MCM9: variants seen among roughly 807,000 people sequenced by gnomAD.
MCM9 encodes minichromosome maintenance 9 homologous recombination repair factor, also known as DNA helicase MCM9.
In MCM9, 55 loss-of-function variants were observed where a neutral mutation model predicts 72.8. That is an observed-to-expected ratio of 0.76 (90% CI 0.61 to 0.95). MCM9 has a LOEUF of 0.95. Among genes scored for constraint, MCM9 ranks in the 40% least tolerant of loss-of-function variants. The pLI is 0.00. For synonymous variants in MCM9, 480 were observed against 503.4 expected, an observed-to-expected ratio of 0.95 and a Z score of 0.62; for missense variants, 1,279 against 1,377.0, an observed-to-expected ratio of 0.93 and a Z score of 1.13.
At chr6:118,929,995 C>T (rs1433800695) in intron 3 of MCM9, among the ~76,000 whole-genome samples, 1 of 152,100 alleles carries the variant, frequency 6.6e-6, no homozygotes, top group African/African-American at 2.4e-5. Flanking sequence ...CCAAGAAGTT[C>T]TACTATAGTG....
chr6:118,857,425 G>C (rs1286253613), intron 8 of MCM9, among the ~76,000 whole-genome samples: 1 of 152,036 alleles, frequency 6.6e-6, no homozygotes, highest in African/African-American at 2.4e-5. Flanking sequence ...CATTCTAGCT[G>C]TTGAATTATA....
intron 8 of MCM9, among the ~76,000 whole-genome samples, chr6:118,904,518 CCA>C (rs1440568896): frequency 6.6e-6 from 1 of 152,208 alleles, no homozygotes; most frequent in Non-Finnish European, 1.5e-5. Flanking sequence ...CCTGTGTTCC[CCA>C]GTCTGGCTCC....
chr6:118,888,547 T>A (rs1282741291), intron 8 of MCM9, among the ~76,000 whole-genome samples: 1 of 152,118 alleles, frequency 6.6e-6, no homozygotes, highest in African/African-American at 2.4e-5. Context: ...AGTTACAATA[T>A]CTTACCCAGC....
intron 1 of MCM9, among the ~76,000 whole-genome samples, chr6:118,933,383 G>T (rs1167062719): frequency 6.6e-6 from 1 of 151,974 alleles, no homozygotes; most frequent in Non-Finnish European, 1.5e-5. Context: ...GCAGGTGCCT[G>T]AAGTCCCAGC....
chr6:118,931,538 G>A lies in MCM9; in HGVS notation c.186C>T (p.Pro62=), dbSNP rs759610490. ...TATCAAAAATTGTAAGCACTTCACT[G>A]GGGAACATGTTGAAATATTCCCCGA... ...MEIGEYFNMF[P]SEVLTIFDSA... Residue 62 remains proline, a synonymous_variant, in exon 3 of 14, where the codon CCC becomes CCT. Transcript: ENST00000619706. 12 of 1,613,942 alleles carry A rather than the reference G, an allele frequency of 7.4e-6. No homozygotes were observed. In the East Asian group the frequency reaches 1.1e-4, roughly 15 times the overall value.
chr6:118,874,230 G>A (rs1777795678), intron 8 of MCM9, among the ~76,000 whole-genome samples: 1 of 152,104 alleles, frequency 6.6e-6, no homozygotes, highest in Non-Finnish European at 1.5e-5. Context: ...ACTCCAGCCT[G>A]CACAACAGAA....
chr6:118,913,534 G>A (rs41292550), intron 6 of MCM9, 114 bp from the exon 7 acceptor site: 71,283 of 1,307,224 alleles, frequency 0.055, 3,034 homozygotes, highest in East Asian at 0.19. Flanking sequence ...ACTATGTGAA[G>A]TGATCAGGAG....
intron 8 of MCM9, chr6:118,907,945 C>T (rs1405469354): frequency 1.6e-5 from 3 of 186,248 alleles, no homozygotes; most frequent in East Asian, 1.4e-4. Context: ...GTCTTGGCCT[C>T]CCAGACAGTC....
At chr6:118,897,159 A>G (rs1373922729) in intron 8 of MCM9, among the ~76,000 whole-genome samples, 1 of 152,106 alleles carries the variant, frequency 6.6e-6, no homozygotes, top group East Asian at 1.9e-4. Context: ...TATTTTGAAA[A>G]GAATTTTCTT....
chr6:118,895,195 C>G (rs1365644618), intron 8 of MCM9, among the ~76,000 whole-genome samples: 1 of 151,764 alleles, frequency 6.6e-6, no homozygotes, highest in African/African-American at 2.4e-5. Flanking sequence ...TCGGCCCCTC[C>G]GCGCCGCGGG....
At chr6:118,818,948 T>C (rs536394597) in intron 13 of MCM9, among the ~76,000 whole-genome samples, 1 of 152,330 alleles carries the variant, frequency 6.6e-6, no homozygotes, top group Non-Finnish European at 1.5e-5. Context: ...TAGAAATGCT[T>C]GTGATTGGTG....
At chr6:118,906,693 G>A (rs1178653825) in intron 8 of MCM9, among the ~76,000 whole-genome samples, 1 of 152,136 alleles carries the variant, frequency 6.6e-6, no homozygotes, top group Admixed American at 6.5e-5. Context: ...CTGAAATCTA[G>A]GATTCAGCAT....
At chr6:118,891,122 A>G (rs1303858418) in intron 8 of MCM9, among the ~76,000 whole-genome samples, 1 of 152,184 alleles carries the variant, frequency 6.6e-6, no homozygotes, top group Non-Finnish European at 1.5e-5. Context: ...TTCTCTGTAG[A>G]GGAGTCTTGA....
intron 5 of MCM9, chr6:118,921,005 T>G (rs1300563515): frequency 2.0e-5 from 3 of 152,170 alleles, no homozygotes; most frequent in Non-Finnish European, 4.4e-5. Flanking sequence ...TCAGGACCAG[T>G]CTGGTTAGCC....
chr6:118,842,080 G>A lies in MCM9; in HGVS notation c.1326-12830C>T, dbSNP rs369376131. Among the ~76,000 whole-genome samples, 19 of 152,260 alleles carry A rather than the reference G, an allele frequency of 1.2e-4. No individual in the cohort carries two copies. The East Asian group carries it at 1.9e-3, about 16-fold the overall frequency. ...AAACTCCTGACCTTGTGATCCACCC[G>A]CCTCTGCCTCACAAAGTGCTGGCAT... On this transcript the variant is annotated intron_variant, in intron 9 of 13. Transcript: ENST00000619706.
intron 8 of MCM9, among the ~76,000 whole-genome samples, chr6:118,899,542 C>T (rs1240269372): frequency 1.3e-5 from 2 of 152,174 alleles, no homozygotes; most frequent in Non-Finnish European, 2.9e-5. Flanking sequence ...ATGCAGCACC[C>T]TGCATCTGGA....
intron 8 of MCM9, among the ~76,000 whole-genome samples, chr6:118,871,173 T>G (rs557459453): frequency 6.6e-6 from 1 of 152,158 alleles, no homozygotes; most frequent in Non-Finnish European, 1.5e-5. Context: ...TATCACTGAT[T>G]AACAGAGATA....
At chr6:118,907,772 G>T in intron 8 of MCM9, 4 of 571,132 alleles carry the variant, frequency 7.0e-6, no homozygotes, top group East Asian at 2.9e-5. Flanking sequence ...AACAAATTGT[G>T]GAATATAAAT....
intron 8 of MCM9, among the ~76,000 whole-genome samples, chr6:118,864,001 T>C (rs921244205): frequency 2.7e-5 from 4 of 150,428 alleles, no homozygotes; most frequent in Non-Finnish European, 5.9e-5. Context: ...ATTGTCAGAA[T>C]TGATTTAAAA....
Sources: gnomAD v4.1 joint callset for allele counts (sites outside exome capture counted in the v4.1 genomes callset) on GRCh38, gnomAD v4.1.1 for gene constraint, MANE v1.5 for transcripts, NCBI Gene and HGNC (gene_info 2026-07-23, HGNC 2026-07-21) for gene names.